PEX10: variants seen among roughly 807,000 people sequenced by gnomAD.
The protein encoded by PEX10 is peroxisomal biogenesis factor 10, also known as peroxisome biogenesis factor 10.
A neutral mutation model predicts 38.0 loss-of-function variants in PEX10; 32 were observed. That is an observed-to-expected ratio of 0.84 (90% CI 0.63 to 1.13). The LOEUF is 1.13. PEX10 is among the 50% of genes most tolerant of loss of function. The probability of loss-of-function intolerance (pLI) is 0.00; values close to 1 mark genes in which losing one functional copy is unlikely to be tolerated. For missense variants in PEX10, 483 were observed against 457.7 expected, an observed-to-expected ratio of 1.06 and a Z score of -0.51; for synonymous variants, 206 against 207.3, an observed-to-expected ratio of 0.99 and a Z score of 0.05.
rs1643023305 is a variant in PEX10, at chr1:2,406,821, C to T, written c.675G>A (p.Leu225=). ...GCCCCATGGACAGCACCAGGTGCAG[C>T]AGTGAGATGACCCCCAGCAGCCTGT... ...VSYRLLGVIS[L]LHLVLSMGLQ... is the part of the protein sequence containing the mutation. Residue 225 remains leucine, a synonymous_variant, in exon 4 of 6, where the codon CTG becomes CTA. Coordinates refer to ENST00000447513, the MANE Select transcript of PEX10 (RefSeq NM_002617.4). 2 of 1,610,934 alleles carry T rather than the reference C, an allele frequency of 1.2e-6. No individual in the cohort carries two copies. The highest frequency in any genetic ancestry group is 2.7e-5 in the African/African-American group (2 of 75,022).
At position 2,409,228 on chromosome 1, in the gene PEX10, C is replaced by G. The variant is rs1195662611; in HGVS notation, c.194-370G>C. Among the ~76,000 whole-genome samples the G allele has an allele frequency of 1.3e-5, 2 of 152,188 alleles. 1 individual carries two copies. The highest frequency in any genetic ancestry group is 1.3e-4 in the Admixed American group (2 of 15,286). Reference sequence around the variant, plus strand: ...TCCAGTCCCATGGCTCTCCACCAACCACACAGCTGGCACCACCCGATTTAT... The same window carrying G: ...TCCAGTCCCATGGCTCTCCACCAACGACACAGCTGGCACCACCCGATTTAT... On this transcript the variant is annotated intron_variant, in intron 2 of 5. Transcript: ENST00000447513. The surrounding 1 kb of genome is among the most constrained non-coding windows in gnomAD (Gnocchi z 6.2).
rs1392385522 is a variant in PEX10, at chr1:2,404,642, C to G, written c.*1124G>C. ...ACTAACCCAGGAATACAGGGTCATC[C>G]TCATTCCTAAGTAAGTCAAACAGCA... On this transcript the variant is annotated 3_prime_UTR_variant, in exon 6 of 6. Coordinates refer to ENST00000447513, the MANE Select transcript of PEX10 (RefSeq NM_002617.4). 1 of 152,254 alleles carries G rather than the reference C, an allele frequency of 6.6e-6. No homozygotes were observed. Among genetic ancestry groups the G allele is most frequent in the Non-Finnish European group, 1.5e-5 (1 of 68,050 alleles). The allele number at this position is 152,254 out of a possible 1,614,324, so 9.4% of individuals were successfully genotyped here.
In PEX10 at chr1:2,409,266, CCTTA is replaced by C. The variant is rs1185830215; in HGVS notation, c.194-412_194-409del. ...CCACCCGATTTATGCCCAGCCTGGA[CCTTA>C]CTTGTGAGTGCCAGCCATGCAGGTC... On this transcript the variant is annotated intron_variant, in intron 2 of 5. Coordinates refer to ENST00000447513, the MANE Select transcript of PEX10 (RefSeq NM_002617.4). The surrounding 1 kb of genome is among the most constrained non-coding windows in gnomAD (Gnocchi z 6.2). Among the ~76,000 whole-genome samples, 11 of 152,206 alleles carry C rather than the reference CCTTA, an allele frequency of 7.2e-5. No individual in the cohort carries two copies. The highest frequency in any genetic ancestry group is 4.1e-4 in the South Asian group (2 of 4,828).
Position 2,405,456 on chromosome 1 carries a change from C to T in PEX10, c.*310G>A, listed in dbSNP as rs539850807. The T allele has an allele frequency of 1.6e-4, 82 of 515,504 alleles. No homozygotes were observed. The highest frequency in any genetic ancestry group is 2.6e-4 in the Non-Finnish European group (72 of 281,920). The allele number at this position is 515,504 out of a possible 1,614,324, so 31.9% of individuals were successfully genotyped here. Reference sequence around the variant, plus strand: ...GGCCTACTTCTGAATTACTTCTCAACTGTATGGTTTGGGGAAGGGAGGGAA... The same window carrying T: ...GGCCTACTTCTGAATTACTTCTCAATTGTATGGTTTGGGGAAGGGAGGGAA... On this transcript the variant is annotated 3_prime_UTR_variant, in exon 6 of 6. Coordinates refer to ENST00000447513, the MANE Select transcript of PEX10 (RefSeq NM_002617.4).
intron 3 of PEX10, among the ~76,000 whole-genome samples, chr1:2,408,029 GTGAGGGGC>G (rs1643066501): frequency 6.6e-6 from 1 of 151,114 alleles, no homozygotes; most frequent in African/African-American, 2.4e-5. Flanking sequence ...GGGGCGAGGG[GTGAGGGGC>G]TGGGGCCGGG....
chr1:2,405,669 T>C lies in PEX10; in HGVS notation c.*97A>G. On this transcript the variant is annotated 3_prime_UTR_variant, in exon 6 of 6. Coordinates refer to ENST00000447513, the MANE Select transcript of PEX10 (RefSeq NM_002617.4). ...TTACATGACAAAAAACTGAGAGTGT[T>C]CTAACTTCTGTGCAAGCAAGGTTAA... 9.0e-7 allele frequency: 1 copy of C among 1,114,104 alleles called. No homozygotes were observed. The highest frequency in any genetic ancestry group is 1.3e-5 in the South Asian group (1 of 75,304). 69.0% of individuals were successfully genotyped at this position (1,114,104 alleles called of 1,614,324 possible).
chr1:2,410,032 A>G lies in PEX10; in HGVS notation c.193+339T>C. 2 of 357,106 alleles carry G rather than the reference A, an allele frequency of 5.6e-6. No homozygotes were observed. The highest frequency in any genetic ancestry group is 4.7e-5 in the South Asian group (2 of 42,726). 22.1% of individuals were successfully genotyped at this position (357,106 alleles called of 1,614,324 possible). On this transcript the variant is annotated intron_variant, in intron 2 of 5. Transcript: ENST00000447513. This position sits in a 1 kb window ranked among gnomAD's most constrained non-coding sequence, Gnocchi z 5.1. The stretch of plus-strand genomic sequence containing the variant: ...GCCACAGACCCACCACTGCTCCACC[A>G]GGGCACTGTCACACGGGCACTGCAC...
In PEX10 at chr1:2,405,341, C is replaced by T; in HGVS notation, c.*425G>A. On this transcript the variant is annotated 3_prime_UTR_variant, in exon 6 of 6. Transcript: ENST00000447513. ...CAACCCGCCAGCCTCCGTGCCCCAC[C>T]CCACCCAGCACGCACTCATTCAGTC... 3.0e-6 allele frequency: 1 copy of T among 337,422 alleles called. No individual in the cohort carries two copies. The highest frequency in any genetic ancestry group is 5.8e-6 in the Non-Finnish European group (1 of 173,464). The allele number at this position is 337,422 out of a possible 1,614,324, so 20.9% of individuals were successfully genotyped here.
Position 2,410,264 on chromosome 1 carries a change from G to A in PEX10, c.193+107C>T. ...CACTTCCCTGAAGCAACCTCACCCG[G>A]GCCAGCTCCAGGAGCTTCTCACACT... On this transcript the variant is annotated intron_variant, in intron 2 of 5. Transcript: ENST00000447513. The surrounding 1 kb of genome is among the most constrained non-coding windows in gnomAD (Gnocchi z 5.1). The A allele has an allele frequency of 1.0e-6, 1 of 971,928 alleles. No homozygotes were observed. Among genetic ancestry groups the A allele is most frequent in the Non-Finnish European group, 1.6e-6 (1 of 609,842 alleles). 60.2% of individuals were successfully genotyped at this position (971,928 alleles called of 1,614,324 possible). A position where few individuals can be genotyped will look rare whatever the true frequency, so the allele number is the denominator to read the frequency against.
intron 3 of PEX10, among the ~76,000 whole-genome samples, chr1:2,408,131 A>G (rs1436951176): frequency 6.6e-6 from 1 of 152,132 alleles, no homozygotes; most frequent in Non-Finnish European, 1.5e-5. Flanking sequence ...GCCCAGGTTC[A>G]GGGATCTGTG....
At chr1:2,412,737 G>GGCGGA (rs1435733250), upstream of PEX10, among the ~76,000 whole-genome samples, 27 of 151,566 alleles carry the variant, frequency 1.8e-4, no homozygotes, top group African/African-American at 3.6e-4. Context: ...GGAGGCGCAG[G>GGCGGA]GCGGAGCGGA....
At chr1:2,412,293 C>A in intron 1 of PEX10, 98 bp downstream of exon 1, 1 of 1,256,288 alleles carries the variant, frequency 8.0e-7, no homozygotes, top group South Asian at 2.7e-5. Context: ...GGGACGGGCC[C>A]AGGCGACCGT....
At chr1:2,407,903 G>A (rs1430899400) in intron 3 of PEX10, among the ~76,000 whole-genome samples, 1 of 152,132 alleles carries the variant, frequency 6.6e-6, no homozygotes, top group Non-Finnish European at 1.5e-5. Flanking sequence ...AGGCTTCGTT[G>A]CTGAATCTGG....
At chr1:2,408,073 C>G (rs1000427748) in intron 3 of PEX10, among the ~76,000 whole-genome samples, 2 of 152,054 alleles carry the variant, frequency 1.3e-5, no homozygotes, top group African/African-American at 4.8e-5. Context: ...CCCACACTGT[C>G]TGGGAGAAGC....
At chr1:2,407,881 G>A (rs1643062001) in intron 3 of PEX10, among the ~76,000 whole-genome samples, 1 of 152,136 alleles carries the variant, frequency 6.6e-6, no homozygotes, top group Non-Finnish European at 1.5e-5. Flanking sequence ...CATGGTGGTG[G>A]GACCACGGGG....
At chr1:2,411,894 A>G (rs12089619) in intron 1 of PEX10, among the ~76,000 whole-genome samples, 1,786 of 152,206 alleles carry the variant, frequency 0.012, 34 homozygotes, top group African/African-American at 0.041. Context: ...CTGAGCCTAC[A>G]CTGGGGTCAG....
upstream of PEX10, among the ~76,000 whole-genome samples, chr1:2,413,261 G>C (rs1643344940): frequency 6.6e-6 from 1 of 152,398 alleles, no homozygotes. Context: ...AAGCCGCCGC[G>C]TGGTTCCAGG....
At position 2,408,861 on chromosome 1, in the gene PEX10, G is replaced by A; in HGVS notation, c.194-3C>T. Reference sequence around the variant, plus strand: ...CTCCTCCCCCAGGGTCTGGTAGCCTGCGAGGAAGAGGATGGGTATGTGGAC... The same window carrying A: ...CTCCTCCCCCAGGGTCTGGTAGCCTACGAGGAAGAGGATGGGTATGTGGAC... On this transcript the variant is annotated splice_region_variant and splice_polypyrimidine_tract_variant and intron_variant, in intron 2 of 5. Coordinates refer to ENST00000447513, the MANE Select transcript of PEX10 (RefSeq NM_002617.4). 6.2e-7 allele frequency: 1 copy of A among 1,613,938 alleles called. No homozygotes were observed. Among genetic ancestry groups the A allele is most frequent in the African/African-American group, 1.3e-5 (1 of 75,038 alleles).
chr1:2,411,038 A>C (rs1643181904), intron 1 of PEX10, among the ~76,000 whole-genome samples: 3 of 152,138 alleles, frequency 2.0e-5, no homozygotes, highest in Admixed American at 2.0e-4. Context: ...CCTGACACCC[A>C]TGGGCCTCCC....
Sources: allele counts gnomAD v4.1 joint callset (sites outside exome capture counted in the v4.1 genomes callset), GRCh38; gene constraint gnomAD v4.1.1; non-coding constraint Gnocchi (gnomAD v3.1); transcripts MANE v1.5; gene names NCBI Gene and HGNC (gene_info 2026-07-23, HGNC 2026-07-21).